The following PCDHGB5 variants were observed in gnomAD, a reference collection of about 807,000 sequenced individuals.
The protein encoded by PCDHGB5 is protocadherin gamma-B5.
PCDHGB5 carries 48 observed loss-of-function variants against 62.9 expected under a neutral mutation model. The ratio of observed to expected loss-of-function variants is 0.76; its 90% CI spans 0.61 to 0.97. The LOEUF is 0.97. PCDHGB5 is among the 50% of genes least tolerant of loss of function. The pLI is 0.00. For missense variants in PCDHGB5, 1,118 were observed against 1,198.6 expected (o/e 0.93, Z 0.99); for synonymous variants, 474 against 511.2 (o/e 0.93, Z 0.98).
chr5:141,469,762 A>G (rs547099941), intron 1 of PCDHGB5, among the ~76,000 whole-genome samples: 15 of 152,360 alleles, frequency 9.8e-5, no homozygotes, highest in African/African-American at 3.4e-4. Flanking sequence ...ATACATATAT[A>G]CCAGCTTATT....
Position 141,398,255 on chromosome 5 carries a change from A to T in PCDHGB5, c.128A>T (p.Lys43Met), listed in dbSNP as rs1244403375. ...TACAGGATTCCCGAGGAAATGCCCA[A>T]GGGCTCCGTAGTGGGGAACCTCGCC... is the stretch of plus-strand genomic sequence containing the variant. ...IRYRIPEEMP[K>M]GSVVGNLATD... is the part of the protein sequence containing the mutation. The change falls in exon 1 of 4, where the codon AAG becomes ATG. Residue 43 changes from lysine (K) to methionine (M), a missense_variant. This residue lies in a region of PCDHGB5 where 84 missense variants were observed against 169.5 expected (regional missense o/e 0.50). Transcript: ENST00000617380. 6.9e-7 allele frequency: 1 copy of T among 1,457,928 alleles called. No individual in the cohort carries two copies. The highest frequency in any genetic ancestry group is 1.4e-5 in the African/African-American group (1 of 69,788). The allele number at this position is 1,457,928 out of a possible 1,614,324, so 90.3% of individuals were successfully genotyped here.
At chr5:141,413,383 A>G in intron 1 of PCDHGB5, 1 of 1,613,998 alleles carries the variant, frequency 6.2e-7, no homozygotes, top group Non-Finnish European at 8.5e-7. Context: ...CGGAGTCCGC[A>G]TAGTCTCCAG....
rs762312563 is a variant in PCDHGB5 at position 141,493,182 on chromosome 5, A to G, written c.2398-1625A>G. Among the ~76,000 whole-genome samples, 1 of 152,232 alleles carries G rather than the reference A, an allele frequency of 6.6e-6. No homozygotes were observed. The highest frequency in any genetic ancestry group is 2.4e-5 in the African/African-American group (1 of 41,460). The stretch of plus-strand genomic sequence containing the variant: ...TAGCTGATTGAGAGAAACTTACTAT[A>G]TAACTCCTTTGAGAACCTCATCTCA... On this transcript the variant is annotated intron_variant, in intron 1 of 3. Coordinates refer to ENST00000617380, the MANE Select transcript of PCDHGB5 (RefSeq NM_018925.3). The surrounding 1 kb of genome is among the most constrained non-coding windows in gnomAD (Gnocchi z 4.3).
At position 141,487,534 on chromosome 5, in the gene PCDHGB5, G is replaced by T; in HGVS notation, c.2398-7273G>T. The T allele has an allele frequency of 6.2e-7, 1 of 1,614,174 alleles. No homozygotes were observed. The highest frequency in any genetic ancestry group is 8.5e-7 in the Non-Finnish European group (1 of 1,180,034). ...CCACTCGGAGTGATAGCTTCATGAT[G>T]GTGAAGTCACCCAGTGCACCTATGG... On this transcript the variant is annotated intron_variant, in intron 1 of 3. Coordinates refer to ENST00000617380, the MANE Select transcript of PCDHGB5 (RefSeq NM_018925.3). This position sits in a 1 kb window ranked among gnomAD's most constrained non-coding sequence, Gnocchi z 5.0.
In PCDHGB5 at chr5:141,418,047, C is replaced by G. The variant is rs968352679; in HGVS notation, c.2397+17523C>G. The G allele has an allele frequency of 6.2e-6, 10 of 1,613,894 alleles. No individual in the cohort carries two copies. The highest frequency in any genetic ancestry group is 1.6e-4 in the Middle Eastern group (1 of 6,076). ...GGGCTTAGTGTCCTGGATGTGTCGG[C>G]TCGCGAGCTGCGAGTGAGCGCGGAG... On this transcript the variant is annotated intron_variant, in intron 1 of 3. Transcript: ENST00000617380.
At chr5:141,461,178 G>A (rs2154567263) in intron 1 of PCDHGB5, among the ~76,000 whole-genome samples, 1 of 152,144 alleles carries the variant, frequency 6.6e-6, no homozygotes, top group East Asian at 1.9e-4. Context: ...TGGATTGAAT[G>A]GTAGATCTGT....
At position 141,410,475 on chromosome 5, in the gene PCDHGB5, A is replaced by G. The variant is rs185995562; in HGVS notation, c.2397+9951A>G. ...TATTCTTATAATCTGTGCATTGCAC[A>G]TACGGGTACAAAAGAGTTTAATTTC... is the stretch of plus-strand genomic sequence containing the variant. On this transcript the variant is annotated intron_variant, in intron 1 of 3. Transcript: ENST00000617380. The G allele has an allele frequency of 3.7e-6, 6 of 1,614,052 alleles. No homozygotes were observed. In the South Asian group the frequency reaches 6.6e-5, roughly 18 times the overall value.
chr5:141,421,697 A>T (rs750973568), intron 1 of PCDHGB5: 8 of 1,613,924 alleles, frequency 5.0e-6, no homozygotes, highest in Non-Finnish European at 6.8e-6. Context: ...GCTCTTCCTA[A>T]TGCTAGGGAT....
Position 141,487,819 on chromosome 5 carries a change from C to T in PCDHGB5, c.2398-6988C>T, listed in dbSNP as rs559702138. 28 of 1,285,530 alleles carry T rather than the reference C, an allele frequency of 2.2e-5. No homozygotes were observed. The highest frequency in any genetic ancestry group is 7.6e-5 in the East Asian group (3 of 39,466). 79.6% of individuals were successfully genotyped at this position (1,285,530 alleles called of 1,614,324 possible). ...AGTTGTCACAGTTTAGCATTGGGGG[C>T]GGGTCATGCCTATATCTGAGTAAGA... is the stretch of plus-strand genomic sequence containing the variant. On this transcript the variant is annotated intron_variant, in intron 1 of 3. Transcript: ENST00000617380. The surrounding 1 kb of genome is among the most constrained non-coding windows in gnomAD (Gnocchi z 5.0).
intron 1 of PCDHGB5, chr5:141,440,744 A>C (rs2098197850): frequency 6.6e-6 from 1 of 152,194 alleles, no homozygotes; most frequent in Non-Finnish European, 1.5e-5. Context: ...CTGCTTGACT[A>C]GGAAAAGCAG....
intron 2 of PCDHGB5, among the ~76,000 whole-genome samples, chr5:141,505,122 A>G (rs2099843899): frequency 6.6e-6 from 1 of 152,194 alleles, no homozygotes; most frequent in Non-Finnish European, 1.5e-5. Context: ...AGATCGCGCC[A>G]CTGCACTCCA....
intron 1 of PCDHGB5, among the ~76,000 whole-genome samples, chr5:141,451,090 A>G (rs2098706546): frequency 6.6e-6 from 1 of 151,864 alleles, no homozygotes; most frequent in Non-Finnish European, 1.5e-5. Context: ...GACCTCCCAA[A>G]GTGTTGGGAT....
intron 1 of PCDHGB5, among the ~76,000 whole-genome samples, chr5:141,443,695 A>G (rs1324985529): frequency 1.3e-5 from 2 of 152,272 alleles, no homozygotes; most frequent in Non-Finnish European, 2.9e-5. Context: ...TTCAAAAATT[A>G]TAGAATAACA....
intron 1 of PCDHGB5, 46 bp downstream of exon 1, chr5:141,400,570 T>C: frequency 6.2e-7 from 1 of 1,612,974 alleles, no homozygotes; most frequent in Non-Finnish European, 8.5e-7. Context: ...CACCCAATTT[T>C]CTGTATTTAC....
rs994878374 is a variant in PCDHGB5, at chr5:141,491,785, C to T, written c.2398-3022C>T. ...TCCTCATAAGGGATTGAACTTGCAT[C>T]CACTCCTCTCCGGCCGGCTTGGTCG... is the stretch of plus-strand genomic sequence containing the variant. On this transcript the variant is annotated intron_variant, in intron 1 of 3. Transcript: ENST00000617380. The surrounding 1 kb of genome is among the most constrained non-coding windows in gnomAD (Gnocchi z 6.9). 20 of 1,529,458 alleles carry T rather than the reference C, an allele frequency of 1.3e-5. No individual in the cohort carries two copies. Among genetic ancestry groups the T allele is most frequent in the Non-Finnish European group, 1.8e-5 (20 of 1,139,198 alleles). The allele number at this position is 1,529,458 out of a possible 1,614,324, so 94.7% of individuals were successfully genotyped here. A position where few individuals can be genotyped will look rare whatever the true frequency, so the allele number is the denominator to read the frequency against.
chr5:141,504,790 CT>C (rs1204741124), intron 2 of PCDHGB5, among the ~76,000 whole-genome samples: 15 of 152,080 alleles, frequency 9.9e-5, no homozygotes, highest in Admixed American at 3.9e-4. Context: ...TTGGGGCCTC[CT>C]ACATCTCCCC....
chr5:141,425,482 C>G (rs1257043728), intron 1 of PCDHGB5, among the ~76,000 whole-genome samples: 1 of 152,192 alleles, frequency 6.6e-6, no homozygotes, highest in East Asian at 1.9e-4. Flanking sequence ...CCTATGGCAA[C>G]CTACTAGGCT....
In PCDHGB5 at chr5:141,430,950, T is replaced by A. The variant is rs756423770; in HGVS notation, c.2397+30426T>A. 7 of 1,609,862 alleles carry A rather than the reference T, an allele frequency of 4.3e-6. No individual in the cohort carries two copies. Among genetic ancestry groups the A allele is most frequent in the Non-Finnish European group, 5.1e-6 (6 of 1,178,368 alleles). On this transcript the variant is annotated intron_variant, in intron 1 of 3. Transcript: ENST00000617380. ...CCCCGGGAGCTCGCGGAGCGCGGAG[T>A]CCGCATCATCCCCAGAGGTAGGACG... is the stretch of plus-strand genomic sequence containing the variant.
intron 1 of PCDHGB5, among the ~76,000 whole-genome samples, chr5:141,407,339 T>C (rs958646781): frequency 3.3e-5 from 5 of 152,222 alleles, no homozygotes; most frequent in Non-Finnish European, 7.3e-5. Context: ...TTGAAATGTA[T>C]GTTAATTTGG....
Sources: gnomAD v4.1 joint callset for allele counts (sites outside exome capture counted in the v4.1 genomes callset) on GRCh38, gnomAD v4.1.1 for gene constraint, gnomAD v4.1.1 regional missense constraint, Gnocchi (gnomAD v3.1) non-coding constraint, MANE v1.5 for transcripts, NCBI Gene and HGNC (gene_info 2026-07-23, HGNC 2026-07-21) for gene names.